FBXL20: variants seen among roughly 807,000 people sequenced by gnomAD.
FBXL20 encodes F-box/LRR-repeat protein 20.
FBXL20 carries 11 observed loss-of-function variants against 64.0 expected under a neutral mutation model. The ratio of observed to expected loss-of-function variants is 0.17; its 90% confidence interval spans 0.11 to 0.28. The LOEUF is 0.28. FBXL20 is among the 10% of genes least tolerant of loss of function. The probability of loss-of-function intolerance (pLI) is 1.00; values close to 1 mark genes in which losing one functional copy is unlikely to be tolerated. For missense variants in FBXL20, 303 were observed against 526.2 expected, an observed-to-expected ratio of 0.58 and a Z score of 4.15; for synonymous variants, 184 against 189.0, an observed-to-expected ratio of 0.97 and a Z score of 0.22.
intron 1 of FBXL20, among the ~76,000 whole-genome samples, chr17:39,358,616 G>A (rs1247629533): frequency 1.3e-5 from 2 of 151,846 alleles, no homozygotes; most frequent in Admixed American, 6.6e-5. Context: ...CTGGAAGTGG[G>A]GGTTGCAGTG....
chr17:39,297,269 T>C, intron 5 of FBXL20, 74 bp from the exon 6 acceptor site: 2 of 834,978 alleles, frequency 2.4e-6, no homozygotes. Flanking sequence ...TAATAAAATA[T>C]ATTATTATTG....
Position 39,258,675 on chromosome 17 carries a change from C to A in FBXL20, c.*2785G>T, listed in dbSNP as rs1040815538. ...TTTAAGTAAAGAAGTACCTTAATAGCCTCAACTTAGGCAACTCAAATCCAC... is the reference window on the plus strand; with the variant it reads ...TTTAAGTAAAGAAGTACCTTAATAGACTCAACTTAGGCAACTCAAATCCAC... On this transcript the variant is annotated 3_prime_UTR_variant, in exon 15 of 15. Coordinates refer to ENST00000264658, the MANE Select transcript of FBXL20 (RefSeq NM_032875.3). 1.3e-5 allele frequency: 2 copies of A among 152,306 alleles called. No individual in the cohort carries two copies. The highest frequency in any genetic ancestry group is 4.1e-4 in the South Asian group (2 of 4,826). The allele number at this position is 152,306 out of a possible 1,614,324, so 9.4% of individuals were successfully genotyped here. A position where few individuals can be genotyped will look rare whatever the true frequency, so the allele number is the denominator to read the frequency against.
At chr17:39,306,615 G>A (rs1419455424) in intron 2 of FBXL20, among the ~76,000 whole-genome samples, 2 of 152,126 alleles carry the variant, frequency 1.3e-5, no homozygotes, top group Non-Finnish European at 1.5e-5. Flanking sequence ...ATTGGTCTAT[G>A]TCTGCTTTAT....
At chr17:39,315,884 G>A (rs544801043) in intron 2 of FBXL20, among the ~76,000 whole-genome samples, 2 of 144,186 alleles carry the variant, frequency 1.4e-5, no homozygotes, top group African/African-American at 2.5e-5. Flanking sequence ...ACTGTAGAGC[G>A]AAATTGGTTA....
chr17:39,355,408 T>G (rs373382082), intron 1 of FBXL20, among the ~76,000 whole-genome samples: 12 of 152,310 alleles, frequency 7.9e-5, no homozygotes, highest in Admixed American at 4.6e-4. Flanking sequence ...GCCCTTTATA[T>G]AAATGATTTG....
intron 13 of FBXL20, 124 bp from the exon 14 acceptor site, chr17:39,264,511 G>C (rs1462255857): frequency 2.1e-6 from 2 of 965,184 alleles, no homozygotes; most frequent in East Asian, 5.3e-5. Context: ...GCTGGCACTA[G>C]ATCCACGTGG....
intron 6 of FBXL20, among the ~76,000 whole-genome samples, chr17:39,286,454 T>A (rs612194): frequency 0.38 from 57,724 of 151,594 alleles, 14,134 homozygotes; most frequent in African/African-American, 0.7. Context: ...GCCTCAAGTG[T>A]TCCGCGTGCC....
chr17:39,312,619 G>A (rs2144488021), intron 2 of FBXL20, among the ~76,000 whole-genome samples: 1 of 128,498 alleles, frequency 7.8e-6, no homozygotes. Context: ...TGTCCCCTGG[G>A]CTGGAGTGCA....
At chr17:39,402,334 G>A (rs1171049762), upstream of FBXL20, 1 of 711,554 alleles carries the variant, frequency 1.4e-6, no homozygotes, top group South Asian at 7.1e-5. Flanking sequence ...ATTACATTAC[G>A]GGGTGCTGCA....
At position 39,299,121 on chromosome 17, in the gene FBXL20, C is replaced by A. The variant is rs768470844; in HGVS notation, c.235-37G>T. 5.7e-6 allele frequency: 8 copies of A among 1,399,636 alleles called. No homozygotes were observed. In the South Asian group the frequency reaches 6.0e-5, roughly 11 times the overall value. The allele number at this position is 1,399,636 out of a possible 1,614,324, so 86.7% of individuals were successfully genotyped here. Reference sequence around the variant, plus strand: ...GACAGGCAAACAAAAAGATAACCCACCTCATTACTTTAGAAAAGAACACAT... The same window carrying A: ...GACAGGCAAACAAAAAGATAACCCAACTCATTACTTTAGAAAAGAACACAT... On this transcript the variant is annotated intron_variant, in intron 4 of 14. Coordinates refer to ENST00000264658, the MANE Select transcript of FBXL20 (RefSeq NM_032875.3).
chr17:39,357,571 G>C (rs2047754631), intron 1 of FBXL20, among the ~76,000 whole-genome samples: 1 of 152,104 alleles, frequency 6.6e-6, no homozygotes, highest in Non-Finnish European at 1.5e-5. Flanking sequence ...TCTTGAGACA[G>C]TGTCTTACTA....
At chr17:39,368,316 C>T (rs2047881713) in intron 1 of FBXL20, among the ~76,000 whole-genome samples, 1 of 152,074 alleles carries the variant, frequency 6.6e-6, no homozygotes, top group South Asian at 2.1e-4. Flanking sequence ...CACTTGAGCC[C>T]AGGAGCTCAA....
intron 1 of FBXL20, among the ~76,000 whole-genome samples, chr17:39,389,422 C>T (rs897907334): frequency 2.6e-5 from 4 of 151,828 alleles, no homozygotes; most frequent in African/African-American, 9.7e-5. Context: ...CTGATAAGGA[C>T]GAATGTCGGG....
At chr17:39,382,826 G>A (rs1232264549) in intron 1 of FBXL20, among the ~76,000 whole-genome samples, 2 of 151,962 alleles carry the variant, frequency 1.3e-5, no homozygotes, top group African/African-American at 4.8e-5. Context: ...GTGAGAGAGT[G>A]AGACGTTGTC....
chr17:39,293,226 T>TC (rs2144420958), intron 6 of FBXL20, among the ~76,000 whole-genome samples: 1 of 143,698 alleles, frequency 7.0e-6, no homozygotes, highest in African/African-American at 2.5e-5. Flanking sequence ...TTTGGATCAC[T>TC]TTTTTTTTTT....
intron 1 of FBXL20, among the ~76,000 whole-genome samples, chr17:39,358,436 G>A (rs1294968461): frequency 9.2e-5 from 14 of 152,126 alleles, no homozygotes; most frequent in African/African-American, 2.7e-4. Context: ...TAATCCTAGC[G>A]CTTTGGGAGG....
At chr17:39,344,784 T>C (rs1277112411) in intron 1 of FBXL20, among the ~76,000 whole-genome samples, 2 of 152,146 alleles carry the variant, frequency 1.3e-5, no homozygotes, top group Non-Finnish European at 2.9e-5. Context: ...AGCAATACTC[T>C]ATCTCAATAA....
chr17:39,327,869 C>A (rs1001015537), intron 2 of FBXL20, among the ~76,000 whole-genome samples: 1 of 151,946 alleles, frequency 6.6e-6, no homozygotes, highest in African/African-American at 2.4e-5. Flanking sequence ...CCCGGGTAAC[C>A]AAACATGTAT....
intron 1 of FBXL20, among the ~76,000 whole-genome samples, chr17:39,360,718 T>C (rs1314823587): frequency 6.6e-6 from 1 of 152,192 alleles, no homozygotes; most frequent in Non-Finnish European, 1.5e-5. Flanking sequence ...TCCCGAACGC[T>C]GGCCTTGCTG....
Sources: allele counts gnomAD v4.1 joint callset (sites outside exome capture counted in the v4.1 genomes callset), GRCh38; gene constraint gnomAD v4.1.1; transcripts MANE v1.5; gene names NCBI Gene and HGNC (gene_info 2026-07-23, HGNC 2026-07-21).